CWC25: variants seen among roughly 807,000 people sequenced by gnomAD.
CWC25 encodes CWC25 spliceosome associated protein.
In CWC25, 31 loss-of-function variants were observed where a neutral mutation model predicts 54.6. That is an observed-to-expected ratio of 0.57 (90% CI 0.43 to 0.77). The LOEUF (loss-of-function observed/expected upper bound fraction) is 0.77. CWC25 is among the 30% of genes least tolerant of loss of function. CWC25 has a pLI of 0.00. For synonymous variants in CWC25, 151 were observed against 187.0 expected, an observed-to-expected ratio of 0.81 and a Z score of 1.57; for missense variants, 453 against 529.3, an observed-to-expected ratio of 0.86 and a Z score of 1.41.
chr17:38,817,000 T>TC (rs929033417), intron 2 of CWC25, among the ~76,000 whole-genome samples: 1 of 150,472 alleles, frequency 6.6e-6, no homozygotes, highest in African/African-American at 2.5e-5. Context: ...CTTTAGAATT[T>TC]TTTTCATATT....
intron 8 of CWC25, 59 bp downstream of exon 8, chr17:38,806,238 G>A (rs1911228717): frequency 7.2e-7 from 1 of 1,397,358 alleles, no homozygotes. Context: ...GCCATGGTTT[G>A]AGCCCCTTCT....
chr17:38,808,668 C>T (rs1911354076), intron 6 of CWC25, among the ~76,000 whole-genome samples: 1 of 149,160 alleles, frequency 6.7e-6, no homozygotes, highest in Non-Finnish European at 1.5e-5. Context: ...GTAATCCCAG[C>T]TACTCAGGAG....
intron 1 of CWC25, among the ~76,000 whole-genome samples, chr17:38,823,304 C>T (rs917505341): frequency 5.3e-5 from 8 of 151,462 alleles, no homozygotes; most frequent in East Asian, 1.9e-4. Flanking sequence ...GGATTACAGG[C>T]GCCCGCCACT....
chr17:38,825,110 CTG>C, intron 1 of CWC25, 54 bp downstream of exon 1: 2 of 1,436,906 alleles, frequency 1.4e-6, no homozygotes, highest in Non-Finnish European at 1.9e-6. Context: ...CCCCCACCCC[CTG>C]CCAATTTCCG....
chr17:38,823,945 A>G (rs1912032416), intron 1 of CWC25, among the ~76,000 whole-genome samples: 1 of 152,170 alleles, frequency 6.6e-6, no homozygotes, highest in Non-Finnish European at 1.5e-5. Flanking sequence ...CACACCCCCA[A>G]AGAATTATCT....
chr17:38,808,337 G>A (rs1455170277), intron 6 of CWC25, among the ~76,000 whole-genome samples: 1 of 136,680 alleles, frequency 7.3e-6, no homozygotes. Context: ...AGCCGAGATC[G>A]CACCATTGCA....
Position 38,810,474 on chromosome 17 carries a change from G to A in CWC25, c.620C>T (p.Ala207Val). The change falls in exon 5 of 10, where the codon GCA (alanine) becomes GTA (valine). Residue 207 changes from alanine (A) to valine (V), a missense_variant. By Grantham distance (64) the Ala-to-Val change is moderately conservative. This residue lies in a region of CWC25 where 444 missense variants were observed against 499.2 expected (regional missense o/e 0.89). Coordinates refer to ENST00000614790, the MANE Select transcript of CWC25 (RefSeq NM_017748.5). ...CCAGTCGCCACATGCTCACCTCCCT[G>A]CACTGTGCTCATCCTCGCTGCTGGA... ...DRSSSEDEHS[A>V]GRSQKKMANS... 6.3e-7 allele frequency: 1 copy of A among 1,588,892 alleles called. No homozygotes were observed. Among genetic ancestry groups the A allele is most frequent in the Non-Finnish European group, 8.6e-7 (1 of 1,167,860 alleles).
intron 2 of CWC25, among the ~76,000 whole-genome samples, chr17:38,818,965 AG>A (rs1461508324): frequency 3.9e-5 from 6 of 152,164 alleles, no homozygotes; most frequent in Non-Finnish European, 8.8e-5. Flanking sequence ...ACCTTTGGAT[AG>A]TACCTCGGCT....
At chr17:38,815,759 C>A in intron 2 of CWC25, 1 of 990,814 alleles carries the variant, frequency 1.0e-6, no homozygotes. Flanking sequence ...AATGAATAAG[C>A]ACATTCTACA....
chr17:38,805,827 T>G (rs1911214757), intron 8 of CWC25, among the ~76,000 whole-genome samples: 1 of 151,964 alleles, frequency 6.6e-6, no homozygotes, highest in Non-Finnish European at 1.5e-5. Context: ...TTTTTTTTTT[T>G]TTTGAGACAA....
chr17:38,807,053 G>A, intron 6 of CWC25, 77 bp from the exon 7 acceptor site: 2 of 1,170,894 alleles, frequency 1.7e-6, no homozygotes, highest in Non-Finnish European at 2.4e-6. Context: ...CGGGCTCAGT[G>A]GCTCACGCCT....
chr17:38,817,702 G>A (rs1286754145), intron 2 of CWC25, among the ~76,000 whole-genome samples: 3 of 151,986 alleles, frequency 2.0e-5, no homozygotes, highest in Non-Finnish European at 4.4e-5. Context: ...CAGGAGAATC[G>A]CTTGAACTCA....
intron 6 of CWC25, among the ~76,000 whole-genome samples, chr17:38,807,735 G>A (rs2143554572): frequency 1.6e-5 from 2 of 128,026 alleles, no homozygotes; most frequent in South Asian, 5.1e-4. Context: ...CAGCTTGGAT[G>A]AGAGAGAAAG....
chr17:38,808,355 C>T (rs1173328461), intron 6 of CWC25, among the ~76,000 whole-genome samples: 1 of 136,718 alleles, frequency 7.3e-6, no homozygotes, highest in Non-Finnish European at 1.6e-5. Flanking sequence ...GCACTCCAGC[C>T]TGGGCGACAG....
At chr17:38,820,455 C>A (rs1789484192) in intron 2 of CWC25, among the ~76,000 whole-genome samples, 2 of 152,008 alleles carry the variant, frequency 1.3e-5, no homozygotes, top group Admixed American at 1.3e-4. Flanking sequence ...ACAAGCATAC[C>A]ATCCACCTTC....
chr17:38,820,757 G>T, intron 2 of CWC25, 144 bp downstream of exon 2: 1 of 1,005,630 alleles, frequency 9.9e-7, no homozygotes, highest in Non-Finnish European at 1.4e-6. Context: ...GCTAGTACAT[G>T]CAAAGCCAAC....
chr17:38,812,608 C>A (rs1292318601), intron 4 of CWC25, among the ~76,000 whole-genome samples, 187 bp downstream of exon 4: 1 of 151,866 alleles, frequency 6.6e-6, no homozygotes, highest in Non-Finnish European at 1.5e-5. Flanking sequence ...GCCTGGGCAA[C>A]AAGATTGAAA....
intron 4 of CWC25, among the ~76,000 whole-genome samples, chr17:38,810,888 T>A (rs563422185): frequency 1.5e-4 from 21 of 138,072 alleles, no homozygotes; most frequent in Non-Finnish European, 9.1e-5. Flanking sequence ...GCCACTGCAC[T>A]TCAGCCTGGG....
Position 38,814,911 on chromosome 17 carries a change from G to A in CWC25, c.378C>T (p.Ser126=). 1 of 1,613,680 alleles carries A rather than the reference G, an allele frequency of 6.2e-7. No individual in the cohort carries two copies. ...GSIFAPSGAN[S]LLDMASKIRE... ...GGATCTTGCTGGCCATGTCAAGAAG[G>A]GAATTGGCACCTGATGGGGCAAAGA... The change falls in exon 3 of 10, where the codon TCC becomes TCT. Residue 126 remains serine, a synonymous_variant. Coordinates refer to ENST00000614790, the MANE Select transcript of CWC25 (RefSeq NM_017748.5).
Sources: allele counts gnomAD v4.1 joint callset (sites outside exome capture counted in the v4.1 genomes callset), GRCh38; gene constraint gnomAD v4.1.1; regional missense constraint gnomAD v4.1.1; transcripts MANE v1.5; gene names NCBI Gene and HGNC (gene_info 2026-07-23, HGNC 2026-07-21).